Variants in C5orf15 observed in about 807,000 individuals in gnomAD.
C5orf15 encodes chromosome 5 open reading frame 15.
In C5orf15, 10 loss-of-function variants were observed where a neutral mutation model predicts 17.8. That is an observed-to-expected ratio of 0.56 (90% CI 0.35 to 0.95). The LOEUF (loss-of-function observed/expected upper bound fraction) is 0.95, where lower values mean the gene tolerates loss of function less well. C5orf15 is among the 40% of genes least tolerant of loss of function. The pLI is 0.02. For missense variants in C5orf15, 319 were observed against 331.7 expected (o/e 0.96, Z 0.30); for synonymous variants, 124 against 131.0 (o/e 0.95, Z 0.36).
intron 1 of C5orf15, among the ~76,000 whole-genome samples, chr5:133,966,207 C>CAA (rs374313051): frequency 3.8e-4 from 55 of 145,258 alleles, no homozygotes; most frequent in African/African-American, 1.3e-3. Context: ...GCGACAGACT[C>CAA]AAAAAAAAAA....
chr5:133,965,556 G>A (rs555481005), intron 1 of C5orf15, among the ~76,000 whole-genome samples: 8 of 152,210 alleles, frequency 5.3e-5, no homozygotes, highest in Non-Finnish European at 1.2e-4. Flanking sequence ...GACCTTCTAT[G>A]AGCATATAAA....
At chr5:133,960,638 C>T (rs555907736) in intron 1 of C5orf15, among the ~76,000 whole-genome samples, 11 of 152,196 alleles carry the variant, frequency 7.2e-5, no homozygotes, top group African/African-American at 2.6e-4. Context: ...GAGAAGCATC[C>T]GAAACGGGAA....
At chr5:133,961,232 T>TTAAAA (rs1450707193) in intron 1 of C5orf15, among the ~76,000 whole-genome samples, 15 of 30,436 alleles carry the variant, frequency 4.9e-4, no homozygotes, top group Non-Finnish European at 7.4e-4. Context: ...AGTCAGTTAG[T>TTAAAA]AAAAAAAAAA....
At chr5:133,967,615 C>A (rs1752215273) in intron 1 of C5orf15, among the ~76,000 whole-genome samples, 1 of 152,140 alleles carries the variant, frequency 6.6e-6, no homozygotes, top group South Asian at 2.1e-4. Flanking sequence ...GCAACATTTG[C>A]AAGAAATGAA....
intron 1 of C5orf15, among the ~76,000 whole-genome samples, chr5:133,967,029 A>G (rs1580700434): frequency 6.6e-6 from 1 of 152,230 alleles, no homozygotes; most frequent in South Asian, 2.1e-4. Context: ...CTCTTAGGGG[A>G]AAAAAGCTGT....
chr5:133,956,964 T>C lies in C5orf15; in HGVS notation c.693A>G (p.Lys231=). The change falls in exon 3 of 3, where the codon AAA becomes AAG. Residue 231 remains lysine (K), a synonymous_variant. Coordinates refer to ENST00000231512, the MANE Select transcript of C5orf15 (RefSeq NM_020199.3). ...TTTTGGAACAAAGGCCATCACGCCA[T>C]TTCCTGCTTTGAACCAGAAGAAAAA... ...RKIFLLVQSR[K]WRDGLCSKTV... 2 of 1,610,882 alleles carry C rather than the reference T, an allele frequency of 1.2e-6. No homozygotes were observed. The highest frequency in any genetic ancestry group is 1.7e-6 in the Non-Finnish European group (2 of 1,179,162).
intron 2 of C5orf15, among the ~76,000 whole-genome samples, chr5:133,959,093 T>C (rs905292434): frequency 6.6e-6 from 1 of 152,104 alleles, no homozygotes; most frequent in Non-Finnish European, 1.5e-5. Flanking sequence ...GGGCTGGGCA[T>C]GGTGGCTCAT....
rs745808520 is a variant in C5orf15 at position 133,968,505 on chromosome 5, A to G, written c.80T>C (p.Val27Ala). 1.2e-5 allele frequency: 20 copies of G among 1,607,056 alleles called. No homozygotes were observed. The highest frequency in any genetic ancestry group is 2.5e-6 in the Non-Finnish European group (3 of 1,177,344). ...CAAGACCAGCGGCCGCGCCAACCCC[A>G]CAAGGGCTTGGATGGCCGACCCGGG... ...LLPGSAIQAL[V>A]GLARPLVLAL... Residue 27 changes from valine to alanine, a missense_variant, in exon 1 of 3, where the codon GTG (valine) becomes GCG (alanine). Transcript: ENST00000231512.
chr5:133,964,329 G>A (rs923541914), intron 1 of C5orf15, among the ~76,000 whole-genome samples: 2 of 152,168 alleles, frequency 1.3e-5, no homozygotes, highest in Non-Finnish European at 2.9e-5. Flanking sequence ...GTTACATACT[G>A]TATTATTCCA....
Position 133,955,619 on chromosome 5 carries a change from T to C in C5orf15, c.*1240A>G, listed in dbSNP as rs548340044. On this transcript the variant is annotated 3_prime_UTR_variant, in exon 3 of 3. Coordinates refer to ENST00000231512, the MANE Select transcript of C5orf15 (RefSeq NM_020199.3). ...ATAAAACGGTTCAGGGGTATTTCCATTGTGCTTCCCTTCCCTATTAGGAAA... is the reference window on the plus strand; with the variant it reads ...ATAAAACGGTTCAGGGGTATTTCCACTGTGCTTCCCTTCCCTATTAGGAAA... 6.5e-6 allele frequency: 1 copy of C among 152,800 alleles called. No homozygotes were observed. Among genetic ancestry groups the C allele is most frequent in the African/African-American group, 2.4e-5 (1 of 41,592 alleles). 9.5% of individuals were successfully genotyped at this position (152,800 alleles called of 1,614,324 possible).
intron 1 of C5orf15, among the ~76,000 whole-genome samples, chr5:133,967,657 T>C (rs1240683488): frequency 6.6e-6 from 1 of 152,282 alleles, no homozygotes; most frequent in Non-Finnish European, 1.5e-5. Context: ...ACAGATGCAT[T>C]AAAACGAGGC....
intron 1 of C5orf15, among the ~76,000 whole-genome samples, chr5:133,967,213 A>G (rs1396042958): frequency 6.6e-6 from 1 of 152,230 alleles, no homozygotes; most frequent in East Asian, 1.9e-4. Flanking sequence ...CATTTCACTA[A>G]TGATAAAAGG....
chr5:133,962,803 A>C (rs1752142956), intron 1 of C5orf15, among the ~76,000 whole-genome samples: 1 of 152,124 alleles, frequency 6.6e-6, no homozygotes, highest in African/African-American at 2.4e-5. Context: ...AAACACCTAC[A>C]ACCCTCTAAT....
intron 1 of C5orf15, 72 bp downstream of exon 1, chr5:133,968,374 G>A (rs1392632974): frequency 1.3e-6 from 2 of 1,546,516 alleles, no homozygotes; most frequent in Non-Finnish European, 1.7e-6. Context: ...CCTTTCCCTG[G>A]CCCGGCCTGT....
At chr5:133,968,338 C>A (rs1340516536) in intron 1 of C5orf15, 108 bp downstream of exon 1, 1 of 1,435,544 alleles carries the variant, frequency 7.0e-7, no homozygotes, top group Non-Finnish European at 9.4e-7. Flanking sequence ...CAGACACCGC[C>A]GTCTGCTCCT....
chr5:133,957,259 G>A (rs891721122), intron 2 of C5orf15, among the ~76,000 whole-genome samples: 3 of 151,454 alleles, frequency 2.0e-5, no homozygotes, highest in Admixed American at 2.0e-4. Context: ...AGCTACTCAG[G>A]AGGCTAAGGT....
At position 133,956,003 on chromosome 5, in the gene C5orf15, ATTAT is replaced by A. The variant is rs1389907194; in HGVS notation, c.*852_*855del. On this transcript the variant is annotated 3_prime_UTR_variant, in exon 3 of 3. Coordinates refer to ENST00000231512, the MANE Select transcript of C5orf15 (RefSeq NM_020199.3). Reference sequence around the variant, plus strand: ...TTAATTTGAAAGACCTAGGTACAGTATTATTTAAGTGATAATGACCCCTAAGATT... The same window carrying A: ...TTAATTTGAAAGACCTAGGTACAGTATTAAGTGATAATGACCCCTAAGATT... 1.3e-5 allele frequency: 2 copies of A among 152,516 alleles called. No homozygotes were observed. Among genetic ancestry groups the A allele is most frequent in the African/African-American group, 2.4e-5 (1 of 41,586 alleles). 9.4% of individuals were successfully genotyped at this position (152,516 alleles called of 1,614,324 possible). A position where few individuals can be genotyped will look rare whatever the true frequency, so the allele number is the denominator to read the frequency against.
At chr5:133,968,375 C>G in intron 1 of C5orf15, 71 bp downstream of exon 1, 1 of 1,549,192 alleles carries the variant, frequency 6.5e-7, no homozygotes, top group Non-Finnish European at 8.7e-7. Context: ...CTTTCCCTGG[C>G]CCGGCCTGTC....
intron 2 of C5orf15, among the ~76,000 whole-genome samples, chr5:133,959,070 A>C (rs930645793): frequency 1.4e-4 from 21 of 152,268 alleles, no homozygotes; most frequent in Non-Finnish European, 1.9e-4. Flanking sequence ...ACTTCACTGA[A>C]AAAAAGGAAA....
Sources: allele counts gnomAD v4.1 joint callset (sites outside exome capture counted in the v4.1 genomes callset), GRCh38; gene constraint gnomAD v4.1.1; transcripts MANE v1.5; gene names NCBI Gene and HGNC (gene_info 2026-07-23, HGNC 2026-07-21).